Variants in PUM1 observed in about 807,000 individuals in gnomAD.
The protein encoded by PUM1 is pumilio homolog 1.
PUM1 carries 13 observed loss-of-function variants against 131.8 expected under a neutral mutation model. The ratio of observed to expected loss-of-function variants is 0.10; its 90% CI spans 0.06 to 0.16. PUM1 has a LOEUF of 0.16. Among genes scored for constraint, PUM1 ranks in the 10% least tolerant of loss-of-function variants. The pLI is 1.00. For missense variants in PUM1, 961 were observed against 1,512.4 expected, an observed-to-expected ratio of 0.64 and a Z score of 6.05; for synonymous variants, 509 against 556.5, an observed-to-expected ratio of 0.91 and a Z score of 1.20.
At chr1:30,957,293 CTT>C (rs1303831318) in intron 14 of PUM1, among the ~76,000 whole-genome samples, 1 of 152,206 alleles carries the variant, frequency 6.6e-6, no homozygotes, top group African/African-American at 2.4e-5. Context: ...ATTGTAATAT[CTT>C]GTTTTTGAAA....
chr1:30,963,605 T>C (rs181033935), intron 14 of PUM1, among the ~76,000 whole-genome samples: 1 of 152,254 alleles, frequency 6.6e-6, no homozygotes, highest in Non-Finnish European at 1.5e-5. Context: ...TTGAATCTTA[T>C]AAATCACTTT....
At chr1:31,054,093 CAAAAAAAAAA>C (rs368330168) in intron 2 of PUM1, among the ~76,000 whole-genome samples, 81 of 54,880 alleles carry the variant, frequency 1.5e-3, no homozygotes, top group African/African-American at 2.6e-3. Context: ...GACTTTATTT[CAAAAAAAAAA>C]AAAAAAAAAA....
At chr1:31,047,327 G>A (rs1013448624) in intron 2 of PUM1, among the ~76,000 whole-genome samples, 18 of 151,748 alleles carry the variant, frequency 1.2e-4, no homozygotes, top group African/African-American at 4.4e-4. Flanking sequence ...ACAAAGAGGA[G>A]ATCAGAAATC....
intron 14 of PUM1, among the ~76,000 whole-genome samples, chr1:30,958,237 T>C (rs904040983): frequency 2.6e-5 from 4 of 152,228 alleles, no homozygotes; most frequent in Non-Finnish European, 5.9e-5. Flanking sequence ...TTTGAGAAGA[T>C]AATACTTCTA....
At chr1:31,038,984 A>ATATATATATTTTTTTTTTTTTTT in intron 2 of PUM1, among the ~76,000 whole-genome samples, 2 of 49,410 alleles carry the variant, frequency 4.0e-5, no homozygotes, top group East Asian at 6.7e-4. Flanking sequence ...ATATATATAT[A>ATATATATATTTTTTTTTTTTTTT]TTTTTTTTTT....
Position 30,942,101 on chromosome 1 carries a change from G to C in PUM1, c.3017C>G (p.Pro1006Arg), listed in dbSNP as rs1639459076. The C allele has an allele frequency of 6.4e-7, 1 of 1,570,894 alleles. No homozygotes were observed. The highest frequency in any genetic ancestry group is 1.4e-5 in the African/African-American group (1 of 72,180). Reference protein sequence around the residue: ...KGQVFALSTHPYGCRVIQRIL... With the variant: ...KGQVFALSTHRYGCRVIQRIL... The stretch of plus-strand genomic sequence containing the variant: ...TCTCTGAATCACTCGGCAGCCATAA[G>C]GATGTGTGGATAAGGCAAATACCTA... The change falls in exon 19 of 22, where the codon CCT becomes CGT. Residue 1006 changes from proline (P) to arginine (R), a missense_variant. By Grantham distance (103) the Pro-to-Arg change is moderately radical. Around this residue, in one of 4 missense-constraint regions of PUM1, gnomAD observed 178 missense variants for 327.5 expected, o/e 0.54. Coordinates refer to ENST00000426105, the MANE Select transcript of PUM1 (RefSeq NM_001020658.2).
At chr1:31,028,652 A>C (rs1643306264) in intron 3 of PUM1, 144 bp downstream of exon 3, 1 of 742,338 alleles carries the variant, frequency 1.3e-6, no homozygotes, top group East Asian at 2.5e-5. Flanking sequence ...AAAATTCTCC[A>C]GCATCCCGTT....
chr1:31,001,015 T>A (rs1003206930), intron 5 of PUM1, among the ~76,000 whole-genome samples: 3 of 151,894 alleles, frequency 2.0e-5, no homozygotes, highest in Admixed American at 6.6e-5. Context: ...TGAAACCCCA[T>A]CTCTACTAAA....
At chr1:30,988,953 A>G (rs907816364) in intron 7 of PUM1, among the ~76,000 whole-genome samples, 1 of 152,230 alleles carries the variant, frequency 6.6e-6, no homozygotes, top group African/African-American at 2.4e-5. Context: ...TCCTAGAAGG[A>G]CACAACAGTC....
chr1:31,062,619 C>CA (rs9331237), intron 1 of PUM1, among the ~76,000 whole-genome samples: 2,594 of 117,078 alleles, frequency 0.022, 93 homozygotes, highest in African/African-American at 0.07. Flanking sequence ...GACTCCATCT[C>CA]AAAAAAAAAA....
chr1:30,996,919 T>C (rs1225355169), intron 5 of PUM1, among the ~76,000 whole-genome samples: 1 of 151,052 alleles, frequency 6.6e-6, no homozygotes, highest in Non-Finnish European at 1.5e-5. Flanking sequence ...TCAATAAATA[T>C]GATGAAGAAA....
chr1:31,061,519 G>C (rs940046580), intron 1 of PUM1: 1 of 151,678 alleles, frequency 6.6e-6, no homozygotes, highest in Non-Finnish European at 1.5e-5. Flanking sequence ...GGGAGGCTGA[G>C]GCAGGAGAAT....
At position 30,932,639 on chromosome 1, in the gene PUM1, T is replaced by TTATATATATA. The variant is rs35972861; in HGVS notation, c.*562_*571dup. The TTATATATATA allele has an allele frequency of 1.1e-5, 1 of 92,676 alleles. No individual in the cohort carries two copies. The highest frequency in any genetic ancestry group is 2.8e-5 in the Non-Finnish European group (1 of 36,332). The allele number at this position is 92,676 out of a possible 1,614,324, so 5.7% of individuals were successfully genotyped here. A position where few individuals can be genotyped will look rare whatever the true frequency, so the allele number is the denominator to read the frequency against. On this transcript the variant is annotated 3_prime_UTR_variant, in exon 22 of 22. Transcript: ENST00000426105. ...TTTAGCAACTCTGAAACCTTTTTCATTATATATATATATATATATATATAT... is the reference window on the plus strand; with the variant it reads ...TTTAGCAACTCTGAAACCTTTTTCATTATATATATATATATATATATATATATATATATAT...
At chr1:31,060,608 C>T (rs1644346321) in intron 1 of PUM1, among the ~76,000 whole-genome samples, 1 of 152,076 alleles carries the variant, frequency 6.6e-6, no homozygotes, top group Non-Finnish European at 1.5e-5. Flanking sequence ...ACATATTGGC[C>T]AGGCGAGGTG....
intron 3 of PUM1, among the ~76,000 whole-genome samples, chr1:31,023,016 T>A (rs1167587049): frequency 1.3e-5 from 2 of 151,382 alleles, no homozygotes; most frequent in Non-Finnish European, 2.9e-5. Context: ...TAAAAAAAAA[T>A]ACAACAAATT....
intron 3 of PUM1, among the ~76,000 whole-genome samples, chr1:31,026,639 T>C (rs1019749608): frequency 6.6e-6 from 1 of 152,220 alleles, no homozygotes; most frequent in Admixed American, 6.5e-5. Context: ...GGCACATGCC[T>C]TGCAGTGGGA....
intron 6 of PUM1, among the ~76,000 whole-genome samples, chr1:30,993,014 C>T (rs1417534711): frequency 1.3e-5 from 2 of 152,162 alleles, no homozygotes; most frequent in African/African-American, 4.8e-5. Context: ...GCAACATCTA[C>T]TCTATCTACT....
At chr1:30,970,091 A>C (rs1640813241) in intron 10 of PUM1, among the ~76,000 whole-genome samples, 2 of 152,216 alleles carry the variant, frequency 1.3e-5, no homozygotes, top group African/African-American at 4.8e-5. Context: ...AAAACCCACA[A>C]ACCAAGGCTA....
intron 14 of PUM1, among the ~76,000 whole-genome samples, chr1:30,961,457 G>A (rs538263340): frequency 6.6e-6 from 1 of 151,954 alleles, no homozygotes; most frequent in Non-Finnish European, 1.5e-5. Flanking sequence ...CCAGGAGTTT[G>A]AGGTTACAGT....
Sources: allele counts gnomAD v4.1 joint callset (sites outside exome capture counted in the v4.1 genomes callset), GRCh38; gene constraint gnomAD v4.1.1; regional missense constraint gnomAD v4.1.1; transcripts MANE v1.5; gene names NCBI Gene and HGNC (gene_info 2026-07-23, HGNC 2026-07-21).